The following SEMA3B variants were observed in gnomAD, a reference collection of about 807,000 sequenced individuals.
The protein encoded by SEMA3B is semaphorin-3B.
SEMA3B carries 71 observed loss-of-function variants against 77.8 expected under a neutral mutation model. The observed-to-expected ratio is 0.91, with a 90% confidence interval of 0.75 to 1.11. The LOEUF (loss-of-function observed/expected upper bound fraction) is 1.11, where lower values mean the gene tolerates loss of function less well. SEMA3B is among the 50% of genes most tolerant of loss of function. SEMA3B has a pLI of 0.00. For missense variants in SEMA3B, 968 were observed against 1,056.8 expected, an observed-to-expected ratio of 0.92 and a Z score of 1.17; for synonymous variants, 470 against 452.9, an observed-to-expected ratio of 1.04 and a Z score of -0.48.
rs1464622566 is a variant in SEMA3B, at chr3:50,276,889, T to C, written c.*183T>C. On this transcript the variant is annotated 3_prime_UTR_variant, in exon 17 of 17. Transcript: ENST00000616701. This position sits in a 1 kb window ranked among gnomAD's most constrained non-coding sequence, Gnocchi z 5.8. ...GGCTTATTTATTAACAGGATAACCC[T>C]TGAATGTAGCAGCCCCGGGAGGGCG... 2.9e-6 allele frequency: 2 copies of C among 679,752 alleles called. No individual in the cohort carries two copies. The highest frequency in any genetic ancestry group is 1.9e-5 in the African/African-American group (1 of 52,238). The allele number at this position is 679,752 out of a possible 1,614,324, so 42.1% of individuals were successfully genotyped here.
At position 50,274,924 on chromosome 3, in the gene SEMA3B, A is replaced by G. The variant is rs2109247429; in HGVS notation, c.1439A>G (p.His480Arg). 1 of 1,609,560 alleles carries G rather than the reference A, an allele frequency of 6.2e-7. No individual in the cohort carries two copies. Among genetic ancestry groups the G allele is most frequent in the East Asian group, 2.2e-5 (1 of 44,826 alleles). ...SAEGLLLEEL[H>R]VFEDSAAVTS... ...GAGGGGCTGCTCCTGGAGGAGCTGC[A>G]CGTGTTTGAGGTGAGGCCTCACCCC... is the stretch of plus-strand genomic sequence containing the variant. Residue 480 changes from histidine to arginine, a missense_variant, in exon 12 of 17, where the codon CAC becomes CGC. His to Arg is a conservative substitution (Grantham distance 29). Transcript: ENST00000616701. This position sits in a 1 kb window ranked among gnomAD's most constrained non-coding sequence, Gnocchi z 4.7.
upstream of SEMA3B, among the ~76,000 whole-genome samples, chr3:50,264,495 G>A (rs374098001): frequency 6.6e-6 from 1 of 152,178 alleles, no homozygotes; most frequent in Non-Finnish European, 1.5e-5. Context: ...CACGGGGTCG[G>A]CTAAGCGGCA....
chr3:50,264,949 G>T (rs1559782098), upstream of SEMA3B, among the ~76,000 whole-genome samples: 1 of 152,074 alleles, frequency 6.6e-6, no homozygotes, highest in Non-Finnish European at 1.5e-5. Context: ...CGGGGGTAGG[G>T]CCACAGCCAA....
Position 50,273,100 on chromosome 3 carries a change from G to T in SEMA3B, c.665-198G>T. On this transcript the variant is annotated intron_variant, in intron 6 of 16. Coordinates refer to ENST00000616701, the MANE Select transcript of SEMA3B (RefSeq NM_001290060.2). This position sits in a 1 kb window ranked among gnomAD's most constrained non-coding sequence, Gnocchi z 6.5. Reference sequence around the variant, plus strand: ...CGGTCTCTGCTGCCCCCTCGCGGCTGCTTCTTGCCTCGCAGGCCCTGATCC... The same window carrying T: ...CGGTCTCTGCTGCCCCCTCGCGGCTTCTTCTTGCCTCGCAGGCCCTGATCC... 1 of 825,396 alleles carries T rather than the reference G, an allele frequency of 1.2e-6. No individual in the cohort carries two copies. Among genetic ancestry groups the T allele is most frequent in the East Asian group, 2.9e-5 (1 of 34,172 alleles). The allele number at this position is 825,396 out of a possible 1,614,324, so 51.1% of individuals were successfully genotyped here.
chr3:50,273,829 G>A lies in SEMA3B; in HGVS notation c.992+1G>A. 6.3e-7 allele frequency: 1 copy of A among 1,576,822 alleles called. No homozygotes were observed. The highest frequency in any genetic ancestry group is 8.6e-7 in the Non-Finnish European group (1 of 1,160,670). ...TCTATGCCGTCTTCTCCACGTCCAG[G>A]TGAGGGGCAGGAGGTAGGGAGCGCC... On this transcript the variant is annotated splice_donor_variant, in intron 9 of 16. Transcript: ENST00000616701. LOFTEE classifies it high-confidence loss of function. The surrounding 1 kb of genome is among the most constrained non-coding windows in gnomAD (Gnocchi z 6.5).
Position 50,274,689 on chromosome 3 carries a change from G to A in SEMA3B, c.1357+107G>A, listed in dbSNP as rs1452211419. On this transcript the variant is annotated intron_variant, in intron 11 of 16. Transcript: ENST00000616701. The surrounding 1 kb of genome is among the most constrained non-coding windows in gnomAD (Gnocchi z 4.7). ...ATCTCCACATCCTTTCCTGGGCTGT[G>A]TCTCCACCCTGTGGATGCTGCCCAA... The A allele has an allele frequency of 1.4e-6, 2 of 1,423,182 alleles. No individual in the cohort carries two copies. Among genetic ancestry groups the A allele is most frequent in the East Asian group, 2.3e-5 (1 of 42,840 alleles). 88.2% of individuals were successfully genotyped at this position (1,423,182 alleles called of 1,614,324 possible).
rs781794425 is a variant in SEMA3B, at chr3:50,273,822, C to A, written c.986C>A (p.Thr329Lys). The change falls in exon 9 of 17, where the codon ACG (threonine) becomes AAG (lysine). Residue 329 changes from threonine (T) to lysine (K), a missense_variant. By Grantham distance (78) the Thr-to-Lys change is moderately conservative. Coordinates refer to ENST00000616701, the MANE Select transcript of SEMA3B (RefSeq NM_001290060.2). This position sits in a 1 kb window ranked among gnomAD's most constrained non-coding sequence, Gnocchi z 6.5. Reference sequence around the variant, plus strand: ...CCGCTGCTCTATGCCGTCTTCTCCACGTCCAGGTGAGGGGCAGGAGGTAGG... The same window carrying A: ...CCGCTGCTCTATGCCGTCTTCTCCAAGTCCAGGTGAGGGGCAGGAGGTAGG... ...RTPLLYAVFSTSSSIFQGSAV... is the reference protein window; with the variant it reads ...RTPLLYAVFSKSSSIFQGSAV... The A allele has an allele frequency of 1.3e-6, 2 of 1,579,692 alleles. No individual in the cohort carries two copies. Among genetic ancestry groups the A allele is most frequent in the Non-Finnish European group, 1.7e-6 (2 of 1,163,052 alleles).
In SEMA3B at chr3:50,273,889, C is replaced by A. The variant is rs1553705946; in HGVS notation, c.993-24C>A. ...CCGCTGGGCTCCACCCGGCCCCTCACCTCGCCCTGGTCTTCGCCTCCAGCA... is the reference window on the plus strand; with the variant it reads ...CCGCTGGGCTCCACCCGGCCCCTCAACTCGCCCTGGTCTTCGCCTCCAGCA... On this transcript the variant is annotated intron_variant, in intron 9 of 16. Coordinates refer to ENST00000616701, the MANE Select transcript of SEMA3B (RefSeq NM_001290060.2). This position sits in a 1 kb window ranked among gnomAD's most constrained non-coding sequence, Gnocchi z 6.5. 5.0e-6 allele frequency: 8 copies of A among 1,584,560 alleles called. No homozygotes were observed. In the East Asian group the frequency reaches 1.8e-4, roughly 36 times the overall value.
Position 50,270,870 on chromosome 3 carries a change from C to T in SEMA3B, c.331-20C>T, listed in dbSNP as rs1051921821. On this transcript the variant is annotated intron_variant, in intron 3 of 16. Transcript: ENST00000616701. This position sits in a 1 kb window ranked among gnomAD's most constrained non-coding sequence, Gnocchi z 4.7. ...AAGGCTACGTCCCTGGGGGAAGCCTCACACCTCCAACCCTACTAGACTGAG... is the reference window on the plus strand; with the variant it reads ...AAGGCTACGTCCCTGGGGGAAGCCTTACACCTCCAACCCTACTAGACTGAG... 1 of 1,582,682 alleles carries T rather than the reference C, an allele frequency of 6.3e-7. No homozygotes were observed. Among genetic ancestry groups the T allele is most frequent in the Non-Finnish European group, 8.6e-7 (1 of 1,164,124 alleles).
chr3:50,270,765 G>C lies in SEMA3B; in HGVS notation c.331-125G>C. 1 of 1,453,722 alleles carries C rather than the reference G, an allele frequency of 6.9e-7. No homozygotes were observed. Among genetic ancestry groups the C allele is most frequent in the Non-Finnish European group, 9.3e-7 (1 of 1,079,054 alleles). The allele number at this position is 1,453,722 out of a possible 1,614,324, so 90.1% of individuals were successfully genotyped here. On this transcript the variant is annotated intron_variant, in intron 3 of 16. Coordinates refer to ENST00000616701, the MANE Select transcript of SEMA3B (RefSeq NM_001290060.2). This position sits in a 1 kb window ranked among gnomAD's most constrained non-coding sequence, Gnocchi z 4.7. ...GGTCAGCAAGGGCCCCCAGGTCCCT[G>C]TAGCCCATGTTAGTACTTGCCTGGG...
At chr3:50,262,116 T>C in the SEMA3B span, 1 of 151,686 alleles carries the variant, frequency 6.6e-6, no homozygotes, top group Non-Finnish European at 1.5e-5. Context: ...GCCAACATGG[T>C]GAAACCCCGT....
Position 50,275,374 on chromosome 3 carries a change from G to C in SEMA3B, c.1564G>C (p.Val522Leu). The stretch of plus-strand genomic sequence containing the variant: ...GCACCGCTGCGCTGCCCACGGCCGC[G>C]TCTGCACCGAATGCTGTCTGGCGCG... ...ALHRCAAHGR[V>L]CTECCLARDP... The change falls in exon 14 of 17, where the codon GTC becomes CTC. Residue 522 changes from valine (V) to leucine (L), a missense_variant. Transcript: ENST00000616701. The surrounding 1 kb of genome is among the most constrained non-coding windows in gnomAD (Gnocchi z 7.5). 3.1e-6 allele frequency: 5 copies of C among 1,587,946 alleles called. No individual in the cohort carries two copies. The highest frequency in any genetic ancestry group is 3.4e-6 in the Non-Finnish European group (4 of 1,168,348).
chr3:50,274,511 C>T lies in SEMA3B; in HGVS notation c.1286C>T (p.Thr429Ile). 1 of 1,568,832 alleles carries T rather than the reference C, an allele frequency of 6.4e-7. No homozygotes were observed. Among genetic ancestry groups the T allele is most frequent in the Non-Finnish European group, 8.6e-7 (1 of 1,159,282 alleles). Residue 429 changes from threonine to isoleucine, a missense_variant, in exon 11 of 17, where the codon ACC becomes ATC. By Grantham distance (89) the Thr-to-Ile change is moderately conservative. Transcript: ENST00000616701. The surrounding 1 kb of genome is among the most constrained non-coding windows in gnomAD (Gnocchi z 4.7). Reference sequence around the variant, plus strand: ...TTCCTACAAGTTGGAGCCAATTACACCTTCACTCAAATTGCCGCGGACCGG... The same window carrying T: ...TTCCTACAAGTTGGAGCCAATTACATCTTCACTCAAATTGCCGCGGACCGG... The part of the protein sequence containing the change: ...PLFLQVGANY[T>I]FTQIAADRVA...
In SEMA3B at chr3:50,271,693, A is replaced by G. The variant is rs12492880; in HGVS notation, c.664+213A>G. Among the ~76,000 whole-genome samples the G allele has an allele frequency of 0.053, 8,127 of 152,210 alleles. 1,539 individuals are homozygous for G. The East Asian group carries it at 0.6, about 11-fold the overall frequency. On this transcript the variant is annotated intron_variant, in intron 6 of 16. Transcript: ENST00000616701. ...CACATACATGATAAGATCAAGTCCAATGGCCTTGAGGCCAGAGAGAGACAA... is the reference window on the plus strand; with the variant it reads ...CACATACATGATAAGATCAAGTCCAGTGGCCTTGAGGCCAGAGAGAGACAA...
chr3:50,272,482 G>C (rs991287428), intron 6 of SEMA3B, among the ~76,000 whole-genome samples: 1 of 151,684 alleles, frequency 6.6e-6, no homozygotes, highest in Admixed American at 6.6e-5. Flanking sequence ...AGGCTGAGGC[G>C]GGCGGATCAC....
intron 6 of SEMA3B, among the ~76,000 whole-genome samples, chr3:50,271,982 T>G (rs920880271): frequency 1.3e-5 from 2 of 152,168 alleles, no homozygotes; most frequent in Non-Finnish European, 2.9e-5. Context: ...TCATTTATTC[T>G]AAGAGTCATG....
chr3:50,272,863 AT>A (rs1553705604), intron 6 of SEMA3B, among the ~76,000 whole-genome samples: 1 of 149,418 alleles, frequency 6.7e-6, no homozygotes, highest in African/African-American at 2.4e-5. Context: ...ACAAATAATA[AT>A]AATAATAATA....
chr3:50,272,686 G>C (rs763849165), intron 6 of SEMA3B, among the ~76,000 whole-genome samples: 195 of 151,130 alleles, frequency 1.3e-3, no homozygotes, highest in Admixed American at 3.7e-3. Context: ...ATTCCAGCCT[G>C]GGCAATAGAG....
At position 50,274,483 on chromosome 3, in the gene SEMA3B, C is replaced by G. The variant is rs782631622; in HGVS notation, c.1258C>G (p.Leu420Val). The G allele has an allele frequency of 6.4e-7, 1 of 1,554,320 alleles. No individual in the cohort carries two copies. The highest frequency in any genetic ancestry group is 2.1e-5 in the Admixed American group (1 of 48,728). The stretch of plus-strand genomic sequence containing the variant: ...TGTCCTGCCCACTGGGGGGCGCCCT[C>G]TTTTCCTACAAGTTGGAGCCAATTA... The part of the protein sequence containing the change: ...NSVLPTGGRP[L>V]FLQVGANYTF... The change falls in exon 11 of 17, where the codon CTT becomes GTT. Residue 420 changes from leucine to valine, a missense_variant. Leu to Val is a conservative substitution (Grantham distance 32). Coordinates refer to ENST00000616701, the MANE Select transcript of SEMA3B (RefSeq NM_001290060.2). The surrounding 1 kb of genome is among the most constrained non-coding windows in gnomAD (Gnocchi z 4.7).
Sources: gnomAD v4.1 joint callset for allele counts (sites outside exome capture counted in the v4.1 genomes callset) on GRCh38, gnomAD v4.1.1 for gene constraint, Gnocchi (gnomAD v3.1) non-coding constraint, MANE v1.5 for transcripts, NCBI Gene and HGNC (gene_info 2026-07-23, HGNC 2026-07-21) for gene names.